The following CRADD variants were observed in gnomAD, a reference collection of about 807,000 sequenced individuals.
CRADD encodes the protein CARD and death domain containing adaptor protein.
Under a neutral mutation model 15.5 loss-of-function variants are expected in CRADD, and 9 were observed. That is an observed-to-expected ratio of 0.58 (90% CI 0.35 to 1.01). The LOEUF is 1.01. Among genes scored for constraint, CRADD ranks in the 50% least tolerant of loss-of-function variants. The pLI is 0.02. For missense variants in CRADD, 227 were observed against 250.3 expected (o/e 0.91, Z 0.63); for synonymous variants, 118 against 107.6 (o/e 1.10, Z -0.60).
chr12:93,751,228 A>G (rs796100328), intron 2 of CRADD, among the ~76,000 whole-genome samples: 66 of 152,322 alleles, frequency 4.3e-4, no homozygotes, highest in African/African-American at 1.5e-3. Flanking sequence ...CACAGATCAC[A>G]AAAATCTCTC....
At chr12:93,681,825 CAT>C (rs1246027616) in intron 2 of CRADD, among the ~76,000 whole-genome samples, 1 of 151,932 alleles carries the variant, frequency 6.6e-6, no homozygotes, top group Non-Finnish European at 1.5e-5. Context: ...TTAAAATCTT[CAT>C]ATGTTTTTGA....
At position 93,807,141 on chromosome 12, in the gene CRADD, A is replaced by G. The variant is rs116922936; in HGVS notation, c.299-42829A>G. Among the ~76,000 whole-genome samples the G allele has an allele frequency of 4.9e-4, 75 of 152,322 alleles. 4 individuals carry two copies. The East Asian group carries it at 0.014, about 29-fold the overall frequency. ...GGGTGAAAGAATATTGTTGATGCCC[A>G]AAGGCTCTCAGGCAGTTTCAGAATT... On this transcript the variant is annotated intron_variant, in intron 2 of 2. Coordinates refer to ENST00000332896, the MANE Select transcript of CRADD (RefSeq NM_003805.5).
chr12:93,694,190 A>C (rs1052804349), intron 2 of CRADD, among the ~76,000 whole-genome samples: 5 of 152,178 alleles, frequency 3.3e-5, no homozygotes, highest in African/African-American at 1.2e-4. Context: ...AATATGACAT[A>C]CCACATTAAC....
chr12:93,855,892 A>C (rs1282123917), intron 2 of CRADD, among the ~76,000 whole-genome samples: 2 of 152,156 alleles, frequency 1.3e-5, no homozygotes, highest in African/African-American at 4.8e-5. Flanking sequence ...ATCTTGGCTC[A>C]CTGCAATCTC....
intron 2 of CRADD, among the ~76,000 whole-genome samples, chr12:93,781,576 C>A (rs1279797892): frequency 6.6e-6 from 1 of 152,176 alleles, no homozygotes; most frequent in Non-Finnish European, 1.5e-5. Flanking sequence ...GTCTCCATAT[C>A]ACTAAAAGTG....
At chr12:93,702,161 T>C (rs1390501172) in intron 2 of CRADD, among the ~76,000 whole-genome samples, 1 of 152,164 alleles carries the variant, frequency 6.6e-6, no homozygotes, top group African/African-American at 2.4e-5. Context: ...TTCTTAAATC[T>C]TAAATGAGTG....
At chr12:93,729,601 C>T (rs903907832) in intron 2 of CRADD, among the ~76,000 whole-genome samples, 2 of 152,018 alleles carry the variant, frequency 1.3e-5, no homozygotes, top group Non-Finnish European at 2.9e-5. Context: ...GCCTGACCAA[C>T]ATGGAGAAAC....
chr12:93,781,571 C>T (rs1285626854), intron 2 of CRADD, among the ~76,000 whole-genome samples: 1 of 152,182 alleles, frequency 6.6e-6, no homozygotes, highest in Non-Finnish European at 1.5e-5. Flanking sequence ...GATCAGTCTC[C>T]ATATCACTAA....
intron 2 of CRADD, among the ~76,000 whole-genome samples, chr12:93,861,438 C>T (rs1253941550): frequency 6.6e-6 from 1 of 152,226 alleles, no homozygotes; most frequent in Non-Finnish European, 1.5e-5. Flanking sequence ...ACATTTATTC[C>T]TCCAGCAGCC....
chr12:93,728,442 A>C (rs983548448), intron 2 of CRADD, among the ~76,000 whole-genome samples: 2 of 152,262 alleles, frequency 1.3e-5, no homozygotes, highest in African/African-American at 2.4e-5. Context: ...TGTAGTAAAT[A>C]CGTCAATATC....
At chr12:93,847,516 A>AC (rs1304127957) in intron 2 of CRADD, among the ~76,000 whole-genome samples, 3,266 of 140,528 alleles carry the variant, frequency 0.023, 128 homozygotes, top group African/African-American at 0.081. Flanking sequence ...AAAAAAAAAA[A>AC]AAAAACCTCC....
rs1047092975 is a variant in CRADD at position 93,850,102 on chromosome 12, A to G, written c.431A>G (p.Asp144Gly). 6.2e-7 allele frequency: 1 copy of G among 1,613,996 alleles called. No individual in the cohort carries two copies. Among genetic ancestry groups the G allele is most frequent in the Non-Finnish European group, 8.5e-7 (1 of 1,179,888 alleles). ...CTGTCTCTGGGACTGTCCCAGACGG[A>G]TATCTACCGCTGTAAGGCCAACCAC... is the stretch of plus-strand genomic sequence containing the variant. ...MVLSLGLSQTDIYRCKANHPH... is the reference protein window; with the variant it reads ...MVLSLGLSQTGIYRCKANHPH... Residue 144 changes from aspartate (D) to glycine (G), a missense_variant, in exon 3 of 3, where the codon GAT becomes GGT. Physicochemically the swap from Asp to Gly is moderately conservative, Grantham distance 94 (BLOSUM62 -1). Transcript: ENST00000332896. The surrounding 1 kb of genome is among the most constrained non-coding windows in gnomAD (Gnocchi z 4.0).
chr12:93,818,358 C>T (rs1157124189), intron 2 of CRADD, among the ~76,000 whole-genome samples: 1 of 152,206 alleles, frequency 6.6e-6, no homozygotes, highest in Non-Finnish European at 1.5e-5. Flanking sequence ...CTCCTTCACA[C>T]CTCCCCACTC....
intron 2 of CRADD, among the ~76,000 whole-genome samples, chr12:93,866,369 A>G (rs1287607845): frequency 6.6e-6 from 1 of 151,998 alleles, no homozygotes; most frequent in African/African-American, 2.4e-5. Flanking sequence ...TTCACTTCCA[A>G]CCTTCTTACT....
intron 2 of CRADD, among the ~76,000 whole-genome samples, chr12:93,883,982 A>G (rs1381895500): frequency 6.6e-6 from 1 of 152,206 alleles, no homozygotes; most frequent in African/African-American, 2.4e-5. Flanking sequence ...CAAGAGAAAG[A>G]GCAGCCAAGA....
intron 2 of CRADD, among the ~76,000 whole-genome samples, chr12:93,716,664 C>T (rs73361519): frequency 0.027 from 4,124 of 152,256 alleles, 126 homozygotes; most frequent in East Asian, 0.086. Flanking sequence ...TTTTACTTGG[C>T]AATATGCATT....
At chr12:93,737,521 CT>C (rs763113691) in intron 2 of CRADD, among the ~76,000 whole-genome samples, 29 of 152,336 alleles carry the variant, frequency 1.9e-4, no homozygotes, top group Middle Eastern at 3.4e-3. Flanking sequence ...AGTCACCCAA[CT>C]AAAGCAGTCT....
At chr12:93,732,250 A>G (rs1482859143) in intron 2 of CRADD, among the ~76,000 whole-genome samples, 1 of 151,718 alleles carries the variant, frequency 6.6e-6, no homozygotes, top group East Asian at 1.9e-4. Context: ...ACATTATTTA[A>G]TAAGAATTGT....
intron 2 of CRADD, among the ~76,000 whole-genome samples, chr12:93,820,813 G>T (rs545749287): frequency 1.3e-5 from 2 of 152,270 alleles, no homozygotes; most frequent in East Asian, 3.9e-4. Context: ...GTCCCTCTTG[G>T]TTTCCCGTTG....
Sources: allele counts gnomAD v4.1 joint callset (sites outside exome capture counted in the v4.1 genomes callset), GRCh38; gene constraint gnomAD v4.1.1; non-coding constraint Gnocchi (gnomAD v3.1); transcripts MANE v1.5; gene names NCBI Gene and HGNC (gene_info 2026-07-23, HGNC 2026-07-21).